Variants in SEMA5B observed in about 807,000 individuals in gnomAD.
SEMA5B encodes semaphorin 5B.
In SEMA5B, 66 loss-of-function variants were observed where a neutral mutation model predicts 135.0. The observed-to-expected ratio is 0.49, with a 90% CI of 0.40 to 0.60. The LOEUF (loss-of-function observed/expected upper bound fraction) is 0.60. SEMA5B is among the 20% of genes least tolerant of loss of function. SEMA5B has a pLI of 0.00. For missense variants in SEMA5B, 1,501 were observed against 1,566.3 expected (o/e 0.96, Z 0.70); for synonymous variants, 690 against 639.5 (o/e 1.08, Z -1.19).
At chr3:123,016,059 G>C (rs1301233020) in intron 1 of SEMA5B, among the ~76,000 whole-genome samples, 1 of 152,184 alleles carries the variant, frequency 6.6e-6, no homozygotes, top group Non-Finnish European at 1.5e-5. Flanking sequence ...TCACAGAATA[G>C]GGTCCCAGGA....
In SEMA5B at chr3:122,943,449, T is replaced by A; in HGVS notation, c.415A>T (p.Ile139Phe). Residue 139 changes from isoleucine to phenylalanine, a missense_variant, in exon 4 of 23, where the codon ATC becomes TTC. Ile to Phe is a conservative substitution (Grantham distance 21). This residue lies in a region of SEMA5B where 574 missense variants were observed against 684.7 expected (regional missense o/e 0.84). Transcript: ENST00000357599. ...GCCCCTTGTTACCTGGCTCCCACGATGAGCTGGTTCCCGGAGGGGTCCAAA... is the reference window on the plus strand; with the variant it reads ...GCCCCTTGTTACCTGGCTCCCACGAAGAGCTGGTTCCCGGAGGGGTCCAAA... The part of the protein sequence containing the change: ...LALDPSGNQL[I>F]VGARNYLFRL... The A allele has an allele frequency of 1.2e-6, 2 of 1,605,532 alleles. No individual in the cohort carries two copies. The highest frequency in any genetic ancestry group is 1.7e-6 in the Non-Finnish European group (2 of 1,176,744).
intron 5 of SEMA5B, among the ~76,000 whole-genome samples, chr3:122,938,707 A>C (rs1939416615): frequency 6.6e-6 from 1 of 152,224 alleles, no homozygotes; most frequent in Non-Finnish European, 1.5e-5. Flanking sequence ...AGACTAGAAC[A>C]TGTCTCCTAG....
intron 4 of SEMA5B, among the ~76,000 whole-genome samples, chr3:122,940,204 AATG>A (rs1157180871): frequency 6.6e-6 from 1 of 152,224 alleles, no homozygotes; most frequent in Non-Finnish European, 1.5e-5. Flanking sequence ...TAGTAGTAAT[AATG>A]ATATCAGACA....
rs147107534 is a variant in SEMA5B at position 122,930,567 on chromosome 3, C to T, written c.475-1509G>A. On this transcript the variant is annotated intron_variant, in intron 5 of 22. Transcript: ENST00000357599. ...AGTTGTGCAGGCCAAAAGCCCCGGA[C>T]GGTGGGCGGCTCTGCGAGGACCGCA... is the stretch of plus-strand genomic sequence containing the variant. Among the ~76,000 whole-genome samples, 1,160 of 152,342 alleles carry T rather than the reference C, an allele frequency of 7.6e-3. 10 individuals carry two copies. The highest frequency in any genetic ancestry group is 0.012 in the Admixed American group (188 of 15,306).
chr3:122,970,788 A>G (rs1220807925), intron 1 of SEMA5B, among the ~76,000 whole-genome samples: 3 of 152,226 alleles, frequency 2.0e-5, no homozygotes, highest in African/African-American at 7.2e-5. Flanking sequence ...AGGAAGGACA[A>G]TTCTGGGACG....
chr3:122,985,196 A>G (rs959267039), intron 1 of SEMA5B, among the ~76,000 whole-genome samples: 16 of 152,252 alleles, frequency 1.1e-4, no homozygotes, highest in Admixed American at 1.0e-3. Context: ...AAAATGGATT[A>G]CTGTAATGAA....
At chr3:122,923,864 T>G in intron 9 of SEMA5B, 112 bp from the exon 10 acceptor site, 4 of 1,219,476 alleles carry the variant, frequency 3.3e-6, no homozygotes, top group Non-Finnish European at 4.7e-6. Flanking sequence ...TAAGCATCTA[T>G]GATGTGTCTG....
intron 1 of SEMA5B, among the ~76,000 whole-genome samples, chr3:122,985,005 A>G (rs1297867928): frequency 2.0e-5 from 3 of 152,204 alleles, no homozygotes; most frequent in Non-Finnish European, 4.4e-5. Flanking sequence ...GGGTATTTTT[A>G]TGTTCCCCAA....
At chr3:122,937,907 C>T (rs983182897) in intron 5 of SEMA5B, among the ~76,000 whole-genome samples, 5 of 152,236 alleles carry the variant, frequency 3.3e-5, no homozygotes, top group East Asian at 1.9e-4. Context: ...CACTTCCTCC[C>T]GCCCACTTTG....
At chr3:123,026,782 G>C (rs1942810436) in intron 1 of SEMA5B, among the ~76,000 whole-genome samples, 1 of 152,200 alleles carries the variant, frequency 6.6e-6, no homozygotes, top group South Asian at 2.1e-4. Context: ...GGAAATCGCC[G>C]CTCGCGTCCC....
chr3:123,026,327 T>TG (rs1466803565), intron 1 of SEMA5B, among the ~76,000 whole-genome samples: 3 of 151,980 alleles, frequency 2.0e-5, no homozygotes, highest in Non-Finnish European at 2.9e-5. Context: ...GCAGAAAGCC[T>TG]GGGCAGGATC....
chr3:123,003,832 C>T (rs373762238), intron 1 of SEMA5B, among the ~76,000 whole-genome samples: 24 of 79,384 alleles, frequency 3.0e-4, no homozygotes, highest in African/African-American at 2.1e-3. Context: ...AGACTCTTAT[C>T]TCAATAAATA....
intron 1 of SEMA5B, among the ~76,000 whole-genome samples, chr3:122,979,747 G>C (rs1012912906): frequency 2.0e-5 from 3 of 152,202 alleles, no homozygotes; most frequent in Non-Finnish European, 4.4e-5. Context: ...GGACCGTGTT[G>C]TCTCCAGCCC....
intron 2 of SEMA5B, among the ~76,000 whole-genome samples, chr3:122,959,242 T>A (rs1008056752): frequency 7.9e-5 from 12 of 152,188 alleles, no homozygotes; most frequent in Admixed American, 6.5e-5. Context: ...AGGCGGGTAT[T>A]GTAATCGTCG....
chr3:123,019,166 A>G (rs1942623167), intron 1 of SEMA5B, among the ~76,000 whole-genome samples: 1 of 152,234 alleles, frequency 6.6e-6, no homozygotes, highest in Non-Finnish European at 1.5e-5. Flanking sequence ...AAGAGGATTG[A>G]GAAAAGCCTA....
At chr3:122,963,492 CAA>C (rs71136598) in intron 1 of SEMA5B, among the ~76,000 whole-genome samples, 2 of 121,726 alleles carry the variant, frequency 1.6e-5, no homozygotes, top group Non-Finnish European at 1.8e-5. Flanking sequence ...GTCTCTGACT[CAA>C]AAAAAAAAAA....
Position 122,947,370 on chromosome 3 carries a change from G to T in SEMA5B, c.328+1136C>A, listed in dbSNP as rs562001631. 3.5e-4 allele frequency among the ~76,000 whole-genome samples: 53 copies of T among 151,984 alleles called. No individual in the cohort carries two copies. The South Asian group carries it at 0.011, about 31-fold the overall frequency. On this transcript the variant is annotated intron_variant, in intron 3 of 22. Coordinates refer to ENST00000357599, the MANE Select transcript of SEMA5B (RefSeq NM_001031702.4). ...CTGAGAGGAGCCAACCCACAGCTGG[G>T]AATCCCACCCTTCCACAACACCCCC...
chr3:122,934,154 G>A (rs56063503), intron 5 of SEMA5B, among the ~76,000 whole-genome samples: 8 of 150,748 alleles, frequency 5.3e-5, no homozygotes, highest in Admixed American at 1.3e-4. Flanking sequence ...TGATCCACCC[G>A]CCTCGGCCTC....
At chr3:122,966,887 T>TTATTATTATTAC (rs1553778841) in intron 1 of SEMA5B, among the ~76,000 whole-genome samples, 2,301 of 142,886 alleles carry the variant, frequency 0.016, 48 homozygotes, top group South Asian at 0.053. Flanking sequence ...ATTATTATTA[T>TTATTATTATTAC]TATTATTATT....
Sources: gnomAD v4.1 joint callset for allele counts (sites outside exome capture counted in the v4.1 genomes callset) on GRCh38, gnomAD v4.1.1 for gene constraint, gnomAD v4.1.1 regional missense constraint, MANE v1.5 for transcripts, NCBI Gene and HGNC (gene_info 2026-07-23, HGNC 2026-07-21) for gene names.